Variants in KDM1A observed in about 807,000 individuals in gnomAD.
KDM1A encodes the protein lysine demethylase 1A, also known as lysine-specific histone demethylase 1A.
A neutral mutation model predicts 109.4 loss-of-function variants in KDM1A; 49 were observed. The ratio of observed to expected loss-of-function variants is 0.45; its 90% CI spans 0.36 to 0.57. KDM1A has a LOEUF of 0.57. Among genes scored for constraint, KDM1A ranks in the 20% least tolerant of loss-of-function variants. KDM1A has a pLI of 0.00. For synonymous variants in KDM1A, 380 were observed against 415.4 expected (o/e 0.91, Z 1.04); for missense variants, 668 against 1,116.6 (o/e 0.60, Z 5.73).
intron 2 of KDM1A, among the ~76,000 whole-genome samples, chr1:23,034,945 C>T (rs1642098910): frequency 6.6e-6 from 1 of 152,104 alleles, no homozygotes; most frequent in African/African-American, 2.4e-5. Flanking sequence ...TTCTAGGCTC[C>T]TTGATGTCCT....
At chr1:23,063,700 A>T (rs1287414066) in intron 9 of KDM1A, among the ~76,000 whole-genome samples, 1 of 152,168 alleles carries the variant, frequency 6.6e-6, no homozygotes, top group Non-Finnish European at 1.5e-5. Flanking sequence ...TTTCCAAACT[A>T]TATTAATTTA....
chr1:23,054,461 G>C (rs1043185032), intron 5 of KDM1A, among the ~76,000 whole-genome samples: 1 of 152,112 alleles, frequency 6.6e-6, no homozygotes, highest in African/African-American at 2.4e-5. Flanking sequence ...CTGCTTCACA[G>C]ACTAATAGTT....
chr1:23,075,570 CAA>C (rs55931513), intron 15 of KDM1A, among the ~76,000 whole-genome samples: 151 of 139,082 alleles, frequency 1.1e-3, no homozygotes, highest in Non-Finnish European at 1.2e-3. Context: ...GACTCCATCT[CAA>C]AAAAAAAAAA....
intron 18 of KDM1A, chr1:23,081,103 T>C: frequency 4.2e-6 from 1 of 237,298 alleles, no homozygotes; most frequent in Non-Finnish European, 8.3e-6. Context: ...GTAGTCAAGG[T>C]TAAGAATTCT....
chr1:23,039,055 T>C (rs1349200445), intron 2 of KDM1A, among the ~76,000 whole-genome samples: 1 of 152,222 alleles, frequency 6.6e-6, no homozygotes, highest in Admixed American at 6.5e-5. Context: ...TAATCATGCA[T>C]TTATGACTGC....
At chr1:23,054,332 A>G (rs1365901719) in intron 5 of KDM1A, among the ~76,000 whole-genome samples, 2 of 152,158 alleles carry the variant, frequency 1.3e-5, no homozygotes, top group Non-Finnish European at 2.9e-5. Flanking sequence ...CTAAGGTGGG[A>G]GGATTTCTTG....
intron 1 of KDM1A, among the ~76,000 whole-genome samples, chr1:23,029,591 G>A (rs915758201): frequency 6.6e-5 from 10 of 152,048 alleles, no homozygotes; most frequent in Admixed American, 6.6e-5. Flanking sequence ...TTAGTAGTAA[G>A]ACCTGTATCC....
At position 23,079,209 on chromosome 1, in the gene KDM1A, T is replaced by G; in HGVS notation, c.2055+32T>G. ...TGCCCTAGACACTCCTGTCTACAGA[T>G]CTGATGTACAAATAGCAGTCTTCGT... On this transcript the variant is annotated intron_variant, in intron 17 of 20. Coordinates refer to ENST00000400181, the MANE Select transcript of KDM1A (RefSeq NM_001009999.3). The surrounding 1 kb of genome is among the most constrained non-coding windows in gnomAD (Gnocchi z 5.6). 1 of 1,598,210 alleles carries G rather than the reference T, an allele frequency of 6.3e-7. No individual in the cohort carries two copies.
At chr1:23,074,797 A>G (rs946448840) in intron 15 of KDM1A, among the ~76,000 whole-genome samples, 3 of 152,184 alleles carry the variant, frequency 2.0e-5, no homozygotes, top group Admixed American at 2.0e-4. Context: ...TTCCAGCACT[A>G]TCCTTTTCTT....
At chr1:23,048,798 C>T (rs1364120989) in intron 3 of KDM1A, among the ~76,000 whole-genome samples, 1 of 152,088 alleles carries the variant, frequency 6.6e-6, no homozygotes. Context: ...AATACCTTAG[C>T]ATTAGTTTTG....
chr1:23,051,987 A>C (rs1360093710), intron 4 of KDM1A, among the ~76,000 whole-genome samples: 1 of 152,212 alleles, frequency 6.6e-6, no homozygotes, highest in Non-Finnish European at 1.5e-5. Context: ...TAATTGAATC[A>C]GTTTCTGTGT....
intron 2 of KDM1A, among the ~76,000 whole-genome samples, chr1:23,037,624 T>G (rs764600103): frequency 1.3e-5 from 2 of 152,212 alleles, no homozygotes; most frequent in African/African-American, 4.8e-5. Context: ...GTCACCATGT[T>G]GTATAATAGC....
At chr1:23,037,779 A>G (rs1642193441) in intron 2 of KDM1A, among the ~76,000 whole-genome samples, 1 of 152,212 alleles carries the variant, frequency 6.6e-6, no homozygotes, top group African/African-American at 2.4e-5. Context: ...CTTGAATCAG[A>G]TGCTACAAGT....
chr1:23,075,861 C>T (rs188806844), intron 15 of KDM1A, among the ~76,000 whole-genome samples: 351 of 148,878 alleles, frequency 2.4e-3, no homozygotes, highest in Admixed American at 3.6e-3. Flanking sequence ...GCAAGAGAAT[C>T]GCTTGAACCC....
intron 1 of KDM1A, among the ~76,000 whole-genome samples, chr1:23,022,934 C>T (rs1261995052): frequency 1.3e-5 from 2 of 152,174 alleles, no homozygotes; most frequent in African/African-American, 2.4e-5. Flanking sequence ...GCTGGGATTA[C>T]AGGTGGAGCC....
intron 15 of KDM1A, among the ~76,000 whole-genome samples, chr1:23,074,842 G>A (rs1423344440): frequency 6.6e-6 from 1 of 152,124 alleles, no homozygotes; most frequent in Non-Finnish European, 1.5e-5. Flanking sequence ...AAATTAATTG[G>A]CATGTAAGCA....
At position 23,042,441 on chromosome 1, in the gene KDM1A, T is replaced by TTATTATTATTATTA. The variant is rs1553127469; in HGVS notation, c.518-1985_518-1984insATTATTATTATTAT. 1.4e-3 allele frequency among the ~76,000 whole-genome samples: 33 copies of TTATTATTATTATTA among 24,234 alleles called. 2 individuals are homozygous for TTATTATTATTATTA. Among genetic ancestry groups the TTATTATTATTATTA allele is most frequent in the African/African-American group, 5.0e-3 (26 of 5,158 alleles). The allele number at this position is 24,234 out of a possible 152,430, so 15.9% of individuals were successfully genotyped here. On this transcript the variant is annotated intron_variant, in intron 2 of 20. Coordinates refer to ENST00000400181, the MANE Select transcript of KDM1A (RefSeq NM_001009999.3). ...TTTTAAAAATCTATGAAATATATTA[T>TTATTATTATTATTA]TTTTTTTTTTTTTTTTTTTTTTTTT...
intron 1 of KDM1A, 132 bp downstream of exon 1, chr1:23,020,079 G>C: frequency 4.1e-6 from 4 of 981,342 alleles, no homozygotes; most frequent in Non-Finnish European, 5.5e-6. Flanking sequence ...CGCTGCGCAC[G>C]CCACGTCCCC....
In KDM1A at chr1:23,019,883, C is replaced by G. The variant is rs1407555366; in HGVS notation, c.287C>G (p.Pro96Arg). ...ACTGTCGTGCCTGGGTCTGCGACCC[C>G]CATGGAAACTGGAATAGCAGAGACT... is the stretch of plus-strand genomic sequence containing the variant. The part of the protein sequence containing the change: ...GPTVVPGSAT[P>R]METGIAETPE... The change falls in exon 1 of 21, where the codon CCC (proline) becomes CGC (arginine). Residue 96 changes from proline (P) to arginine (R), a missense_variant. Physicochemically the swap from Pro to Arg is moderately radical, Grantham distance 103. Coordinates refer to ENST00000400181, the MANE Select transcript of KDM1A (RefSeq NM_001009999.3). 9.0e-6 allele frequency: 14 copies of G among 1,563,608 alleles called. No individual in the cohort carries two copies. The highest frequency in any genetic ancestry group is 3.7e-5 in the Admixed American group (2 of 54,200).
Sources: gnomAD v4.1 joint callset for allele counts (sites outside exome capture counted in the v4.1 genomes callset) on GRCh38, gnomAD v4.1.1 for gene constraint, Gnocchi (gnomAD v3.1) non-coding constraint, MANE v1.5 for transcripts, NCBI Gene and HGNC (gene_info 2026-07-23, HGNC 2026-07-21) for gene names.